The following SPATS2 variants were observed in gnomAD, a reference collection of about 807,000 sequenced individuals.
SPATS2 encodes the protein spermatogenesis-associated serine-rich protein 2.
SPATS2 carries 38 observed loss-of-function variants against 63.7 expected under a neutral mutation model. That is an observed-to-expected ratio of 0.60 (90% CI 0.46 to 0.78). The LOEUF (loss-of-function observed/expected upper bound fraction) is 0.78, where lower values mean the gene tolerates loss of function less well. Ranked by LOEUF, SPATS2 falls within the 30% of genes least tolerant of loss-of-function variation. The pLI is 0.00. For missense variants in SPATS2, 588 were observed against 666.2 expected (o/e 0.88, Z 1.29); for synonymous variants, 207 against 232.9 (o/e 0.89, Z 1.01).
At chr12:49,411,247 C>T (rs1179232536) in intron 2 of SPATS2, among the ~76,000 whole-genome samples, 3 of 152,046 alleles carry the variant, frequency 2.0e-5, no homozygotes, top group Non-Finnish European at 2.9e-5. Flanking sequence ...GTCCTCTTGC[C>T]ATGTAATGCC....
chr12:49,457,394 C>G (rs1298932261), intron 2 of SPATS2, among the ~76,000 whole-genome samples: 1 of 152,004 alleles, frequency 6.6e-6, no homozygotes, highest in Non-Finnish European at 1.5e-5. Flanking sequence ...TGACCCACCC[C>G]TGCTCATCCA....
intron 2 of SPATS2, chr12:49,406,589 A>G (rs1944701575): frequency 6.6e-6 from 1 of 152,050 alleles, no homozygotes; most frequent in Non-Finnish European, 1.5e-5. Context: ...CACCCAGCCT[A>G]GTTTTTGTCA....
At chr12:49,374,120 T>G (rs1295014150) in intron 2 of SPATS2, among the ~76,000 whole-genome samples, 1 of 152,020 alleles carries the variant, frequency 6.6e-6, no homozygotes, top group African/African-American at 2.4e-5. Flanking sequence ...TATAAATATG[T>G]TATTATTTTT....
intron 2 of SPATS2, chr12:49,390,234 A>T (rs1278087917): frequency 1.1e-6 from 1 of 880,698 alleles, no homozygotes; most frequent in African/African-American, 1.7e-5. Flanking sequence ...ATGAATGAAC[A>T]GAAAATTCAA....
intron 6 of SPATS2, among the ~76,000 whole-genome samples, chr12:49,493,955 C>T (rs1157540492): frequency 6.6e-6 from 1 of 152,036 alleles, no homozygotes; most frequent in East Asian, 1.9e-4. Flanking sequence ...TTAGACGTGC[C>T]ACAATTTATT....
At chr12:49,388,557 A>T (rs1180448042) in intron 2 of SPATS2, among the ~76,000 whole-genome samples, 1 of 151,358 alleles carries the variant, frequency 6.6e-6, no homozygotes, top group East Asian at 1.9e-4. Context: ...TTATTTTTTT[A>T]TATATATGGG....
chr12:49,507,759 A>G (rs1196024172), intron 9 of SPATS2, among the ~76,000 whole-genome samples: 2 of 152,176 alleles, frequency 1.3e-5, no homozygotes, highest in African/African-American at 4.8e-5. Context: ...AACTGCCTAC[A>G]CTGTGTTAGT....
intron 2 of SPATS2, among the ~76,000 whole-genome samples, chr12:49,450,644 A>C (rs1325332921): frequency 4.6e-5 from 7 of 151,810 alleles, no homozygotes; most frequent in African/African-American, 1.5e-4. Flanking sequence ...CCCAGGTTCA[A>C]GCGATTCTCC....
chr12:49,386,251 G>A (rs896982073), intron 2 of SPATS2, among the ~76,000 whole-genome samples: 3 of 152,014 alleles, frequency 2.0e-5, no homozygotes, highest in Admixed American at 6.6e-5. Flanking sequence ...TGCAACCTCC[G>A]CCTCCTTGGT....
At chr12:49,493,397 CTTT>C (rs577929812) in intron 6 of SPATS2, among the ~76,000 whole-genome samples, 78 of 139,072 alleles carry the variant, frequency 5.6e-4, no homozygotes, top group African/African-American at 1.9e-3. Context: ...ACTGAAACAT[CTTT>C]TTTTTTTTTT....
chr12:49,511,905 A>T (rs1946759780), intron 9 of SPATS2, among the ~76,000 whole-genome samples: 1 of 152,198 alleles, frequency 6.6e-6, no homozygotes, highest in African/African-American at 2.4e-5. Context: ...ACTTTCAGAT[A>T]TATAGAAAAG....
At chr12:49,497,412 C>G (rs866691840) in intron 8 of SPATS2, among the ~76,000 whole-genome samples, 1 of 150,384 alleles carries the variant, frequency 6.6e-6, no homozygotes, top group Non-Finnish European at 1.5e-5. Flanking sequence ...TTTTTTCCCC[C>G]GAGACTGAGT....
chr12:49,408,413 C>T (rs543752510), intron 2 of SPATS2, among the ~76,000 whole-genome samples: 24 of 152,046 alleles, frequency 1.6e-4, no homozygotes, highest in South Asian at 4.2e-4. Context: ...CCACCATGCC[C>T]GGCTAATTTT....
At chr12:49,475,058 G>C (rs1401182030) in intron 3 of SPATS2, among the ~76,000 whole-genome samples, 1 of 152,130 alleles carries the variant, frequency 6.6e-6, no homozygotes, top group Non-Finnish European at 1.5e-5. Flanking sequence ...ATCTCCCACC[G>C]GGTCTGTCCC....
At chr12:49,419,582 A>C (rs181293826) in intron 2 of SPATS2, among the ~76,000 whole-genome samples, 121 of 152,254 alleles carry the variant, frequency 7.9e-4, no homozygotes, top group African/African-American at 2.7e-3. Flanking sequence ...GCATTGATAT[A>C]CCCTTTCCTT....
intron 2 of SPATS2, among the ~76,000 whole-genome samples, chr12:49,459,967 G>T (rs560110148): frequency 3.3e-4 from 49 of 150,204 alleles, no homozygotes; most frequent in Middle Eastern, 6.8e-3. Flanking sequence ...AATTAGCCAG[G>T]TGTGGTGGCA....
chr12:49,409,298 G>A (rs563972398), intron 2 of SPATS2, among the ~76,000 whole-genome samples: 1 of 151,962 alleles, frequency 6.6e-6, no homozygotes, highest in East Asian at 1.9e-4. Context: ...AGTTTTTTTT[G>A]TTGTTGTTTT....
intron 2 of SPATS2, among the ~76,000 whole-genome samples, chr12:49,432,252 T>A (rs750671173): frequency 3.3e-5 from 5 of 152,098 alleles, no homozygotes; most frequent in Non-Finnish European, 7.4e-5. Flanking sequence ...GGCAGGTGGA[T>A]CATGGGTTCA....
chr12:49,455,914 G>A (rs1320560637), intron 2 of SPATS2, among the ~76,000 whole-genome samples: 2 of 152,354 alleles, frequency 1.3e-5, no homozygotes, highest in East Asian at 3.9e-4. Flanking sequence ...GAGCCATGGT[G>A]CCCAGGTCCC....
Sources: gnomAD v4.1 joint callset for allele counts (sites outside exome capture counted in the v4.1 genomes callset) on GRCh38, gnomAD v4.1.1 for gene constraint, MANE v1.5 for transcripts, NCBI Gene and HGNC (gene_info 2026-07-23, HGNC 2026-07-21) for gene names.